The following GRM7 variants were observed in gnomAD, a reference collection of about 807,000 sequenced individuals.
GRM7 encodes metabotropic glutamate receptor 7.
In GRM7, 35 loss-of-function variants were observed where a neutral mutation model predicts 84.5. That is an observed-to-expected ratio of 0.41 (90% CI 0.32 to 0.55). GRM7 has a LOEUF of 0.55. GRM7 is among the 20% of genes least tolerant of loss of function. GRM7 has a pLI of 0.19. For synonymous variants in GRM7, 487 were observed against 455.1 expected (o/e 1.07, Z -0.89); for missense variants, 1,003 against 1,194.6 (o/e 0.84, Z 2.36).
intron 9 of GRM7, chr3:7,693,495 G>GA (rs1220309221): frequency 4.5e-6 from 3 of 666,186 alleles, no homozygotes; most frequent in Middle Eastern, 2.7e-4. Context: ...GGGTTAGTAT[G>GA]AAAAATGCTA....
chr3:7,450,441 C>G (rs890787392), intron 5 of GRM7, among the ~76,000 whole-genome samples: 2 of 152,054 alleles, frequency 1.3e-5, no homozygotes, highest in Non-Finnish European at 2.9e-5. Context: ...AATTCTTCCC[C>G]AAAATACTCA....
chr3:7,075,300 A>G (rs1698025177), intron 1 of GRM7, among the ~76,000 whole-genome samples: 1 of 152,178 alleles, frequency 6.6e-6, no homozygotes, highest in Non-Finnish European at 1.5e-5. Flanking sequence ...GGGAAGCAGC[A>G]TCAGCTGCTG....
At chr3:6,940,902 G>A (rs981028114) in intron 1 of GRM7, among the ~76,000 whole-genome samples, 1 of 152,114 alleles carries the variant, frequency 6.6e-6, no homozygotes, top group African/African-American at 2.4e-5. Context: ...TTCATAGTGA[G>A]CACTGGCACA....
chr3:7,253,820 C>G (rs1698098883), intron 2 of GRM7, among the ~76,000 whole-genome samples: 1 of 152,012 alleles, frequency 6.6e-6, no homozygotes, highest in East Asian at 1.9e-4. Flanking sequence ...TTAAACTGTT[C>G]TGAATGATCT....
chr3:7,599,847 G>T (rs561612586), intron 8 of GRM7, among the ~76,000 whole-genome samples: 3 of 152,156 alleles, frequency 2.0e-5, no homozygotes, highest in Admixed American at 1.3e-4. Flanking sequence ...TTCAGACTCA[G>T]ATGTACACGG....
intron 9 of GRM7, among the ~76,000 whole-genome samples, chr3:7,725,069 C>T (rs1702077286): frequency 2.0e-5 from 3 of 152,124 alleles, no homozygotes; most frequent in Admixed American, 2.0e-4. Flanking sequence ...AAGACATGAG[C>T]AGTTTACATT....
At chr3:6,948,605 A>G (rs1017539950) in intron 1 of GRM7, among the ~76,000 whole-genome samples, 2 of 152,138 alleles carry the variant, frequency 1.3e-5, no homozygotes, top group African/African-American at 4.8e-5. Flanking sequence ...ATTCCTGTAT[A>G]TCCTTGTTAA....
intron 7 of GRM7, among the ~76,000 whole-genome samples, chr3:7,479,337 G>A (rs1447246723): frequency 6.6e-6 from 1 of 151,872 alleles, no homozygotes; most frequent in Non-Finnish European, 1.5e-5. Flanking sequence ...CTGTTTGAGG[G>A]ATACTCCTTG....
intron 1 of GRM7, among the ~76,000 whole-genome samples, chr3:7,100,006 G>A (rs910954760): frequency 6.8e-6 from 1 of 147,620 alleles, no homozygotes; most frequent in East Asian, 2.0e-4. Context: ...AATTGCACAT[G>A]TACATATATG....
intron 6 of GRM7, among the ~76,000 whole-genome samples, chr3:7,455,834 T>C (rs2124897977): frequency 6.6e-6 from 1 of 151,706 alleles, no homozygotes; most frequent in South Asian, 2.1e-4. Context: ...CAGTGTTAAC[T>C]TACTGGTTTA....
chr3:7,031,516 A>G (rs1247894734), intron 1 of GRM7, among the ~76,000 whole-genome samples: 1 of 151,928 alleles, frequency 6.6e-6, no homozygotes, highest in Non-Finnish European at 1.5e-5. Context: ...TCCCGGGTTC[A>G]TGCCATTCTC....
At chr3:7,480,642 G>T (rs1699091893) in intron 7 of GRM7, among the ~76,000 whole-genome samples, 1 of 152,202 alleles carries the variant, frequency 6.6e-6, no homozygotes, top group Non-Finnish European at 1.5e-5. Flanking sequence ...TTCATTGTAA[G>T]TATTGCAGAG....
At chr3:7,728,197 T>A (rs1175532508) in intron 9 of GRM7, among the ~76,000 whole-genome samples, 1 of 152,206 alleles carries the variant, frequency 6.6e-6, no homozygotes, top group East Asian at 1.9e-4. Flanking sequence ...GAGGACATTG[T>A]TCCCAGACCG....
chr3:7,532,153 T>A (rs1701061922), intron 7 of GRM7, among the ~76,000 whole-genome samples: 1 of 151,964 alleles, frequency 6.6e-6, no homozygotes, highest in Non-Finnish European at 1.5e-5. Context: ...TAGGGAGGAG[T>A]CCCTCTTTTT....
At chr3:6,999,496 C>A (rs1010924811) in intron 1 of GRM7, among the ~76,000 whole-genome samples, 2 of 152,224 alleles carry the variant, frequency 1.3e-5, no homozygotes, top group South Asian at 2.1e-4. Context: ...CTTCCACAAT[C>A]GGGTACCCTT....
intron 2 of GRM7, among the ~76,000 whole-genome samples, chr3:7,204,054 T>C (rs1307813079): frequency 2.0e-5 from 3 of 152,172 alleles, no homozygotes; most frequent in African/African-American, 7.2e-5. Context: ...TCTATAAATA[T>C]TAGAAAAGTA....
chr3:7,146,650 C>A lies in GRM7; in HGVS notation c.718C>A (p.Gln240Lys), dbSNP rs1002646614. ...YGEKGVESFT[Q>K]ISKEAGGLCI... ...AGAGAAAGGTGTGGAGTCCTTCACG[C>A]AGATTTCCAAAGAGGCAGGTAGGAT... The change falls in exon 2 of 10, where the codon CAG becomes AAG. Residue 240 changes from glutamine (Q) to lysine (K), a missense_variant. Physicochemically the swap from Gln to Lys is moderately conservative, Grantham distance 53 (BLOSUM62 1). Transcript: ENST00000357716. The A allele has an allele frequency of 1.9e-6, 3 of 1,612,486 alleles. No homozygotes were observed. The highest frequency in any genetic ancestry group is 1.7e-5 in the Admixed American group (1 of 59,960).
At chr3:7,076,380 G>C (rs1165909478) in intron 1 of GRM7, among the ~76,000 whole-genome samples, 1 of 152,110 alleles carries the variant, frequency 6.6e-6, no homozygotes, top group Non-Finnish European at 1.5e-5. Context: ...GGATCATGAG[G>C]ACAGTTTCCC....
chr3:6,976,192 A>G (rs997701343), intron 1 of GRM7, among the ~76,000 whole-genome samples: 9 of 152,206 alleles, frequency 5.9e-5, no homozygotes, highest in African/African-American at 2.2e-4. Flanking sequence ...GTTTAAGAAC[A>G]ATACCAATTT....
Sources: gnomAD v4.1 joint callset for allele counts (sites outside exome capture counted in the v4.1 genomes callset) on GRCh38, gnomAD v4.1.1 for gene constraint, MANE v1.5 for transcripts, NCBI Gene and HGNC (gene_info 2026-07-23, HGNC 2026-07-21) for gene names.